LAPTM4B: variants seen among roughly 807,000 people sequenced by gnomAD.
LAPTM4B encodes the protein lysosomal protein transmembrane 4 beta, also known as lysosomal-associated transmembrane protein 4B.
A neutral mutation model predicts 28.5 loss-of-function variants in LAPTM4B; 26 were observed. That is an observed-to-expected ratio of 0.91 (90% confidence interval 0.67 to 1.27). The LOEUF (loss-of-function observed/expected upper bound fraction) is 1.27, where lower values mean the gene tolerates loss of function less well. LAPTM4B is among the 50% of genes most tolerant of loss of function. The pLI is 0.00. For synonymous variants in LAPTM4B, 109 were observed against 106.4 expected (o/e 1.02, Z -0.15); for missense variants, 288 against 285.8 (o/e 1.01, Z -0.06).
At chr8:97,795,267 ATAT>A (rs1178296968) in intron 1 of LAPTM4B, among the ~76,000 whole-genome samples, 4 of 151,868 alleles carry the variant, frequency 2.6e-5, no homozygotes, top group Admixed American at 1.3e-4. Context: ...ACCTGGCTAA[ATAT>A]TATTATTATT....
rs546425169 is a variant in LAPTM4B at position 97,800,484 on chromosome 8, C to CTTTTTTTTTTTTTTTTTTTT, written c.100-4861_100-4842dup. On this transcript the variant is annotated intron_variant, in intron 1 of 6. Transcript: ENST00000521545. Reference sequence around the variant, plus strand: ...CTTCTGTAATATTACCCCTTGACCTCTTTTTTTTTTTTTTTTTTTTTTTTT... The same window carrying CTTTTTTTTTTTTTTTTTTTT: ...CTTCTGTAATATTACCCCTTGACCTCTTTTTTTTTTTTTTTTTTTTTTTTTTTTTTTTTTTTTTTTTTTTT... 2.0e-4 allele frequency among the ~76,000 whole-genome samples: 14 copies of CTTTTTTTTTTTTTTTTTTTT among 69,326 alleles called. 1 individual carries two copies. The highest frequency in any genetic ancestry group is 1.0e-3 in the African/African-American group (14 of 13,392). 45.5% of individuals were successfully genotyped at this position (69,326 alleles called of 152,430 possible).
chr8:97,783,587 C>T (rs528842753), intron 1 of LAPTM4B, among the ~76,000 whole-genome samples: 1 of 152,142 alleles, frequency 6.6e-6, no homozygotes, highest in Admixed American at 6.5e-5. Flanking sequence ...CATGTTCAGA[C>T]CTTGGAAAGA....
At chr8:97,791,481 C>T (rs1411866841) in intron 1 of LAPTM4B, among the ~76,000 whole-genome samples, 1 of 152,108 alleles carries the variant, frequency 6.6e-6, no homozygotes, top group Non-Finnish European at 1.5e-5. Flanking sequence ...GTGTCTTAGC[C>T]TGAGAATGAA....
intron 1 of LAPTM4B, among the ~76,000 whole-genome samples, chr8:97,798,225 C>T (rs925135830): frequency 6.6e-6 from 1 of 152,158 alleles, no homozygotes; most frequent in African/African-American, 2.4e-5. Flanking sequence ...TTGACCTTTT[C>T]TATCTGTCTG....
chr8:97,787,584 G>A (rs539526076), intron 1 of LAPTM4B, among the ~76,000 whole-genome samples: 66 of 152,180 alleles, frequency 4.3e-4, no homozygotes, highest in Middle Eastern at 3.4e-3. Context: ...GTGCTTGGCC[G>A]ATTTCTTTTA....
At chr8:97,839,557 AGTT>A (rs1817314141) in intron 6 of LAPTM4B, among the ~76,000 whole-genome samples, 1 of 152,180 alleles carries the variant, frequency 6.6e-6, no homozygotes, top group South Asian at 2.1e-4. Flanking sequence ...ATAACTTTCC[AGTT>A]GTTTCATCCC....
intron 1 of LAPTM4B, among the ~76,000 whole-genome samples, chr8:97,792,906 A>C (rs1816526498): frequency 6.6e-6 from 1 of 152,154 alleles, no homozygotes; most frequent in East Asian, 1.9e-4. Flanking sequence ...TTAATCTGAT[A>C]CCCTAAAATT....
chr8:97,788,788 G>C (rs1047343617), intron 1 of LAPTM4B, among the ~76,000 whole-genome samples: 4 of 149,730 alleles, frequency 2.7e-5, no homozygotes, highest in Non-Finnish European at 3.0e-5. Context: ...TCCACCTCCC[G>C]GGTTCAAGCG....
chr8:97,825,060 T>G lies in LAPTM4B; in HGVS notation c.510T>G (p.Gly170=). The part of the protein sequence containing the change: ...LFISIILTFK[G]YLISCVWNCY... ...TGATAATCACTCCTCATTTTCAGGG[T>G]TACTTGATTAGCTGTGTTTGGAACT... The change falls in exon 6 of 7, where the codon GGT becomes GGG. Residue 170 remains glycine (G), a splice_region_variant and synonymous_variant. Transcript: ENST00000521545. The G allele has an allele frequency of 6.3e-7, 1 of 1,587,418 alleles. No individual in the cohort carries two copies. Among genetic ancestry groups the G allele is most frequent in the South Asian group, 1.1e-5 (1 of 90,174 alleles).
chr8:97,777,619 A>G (rs575566865), intron 1 of LAPTM4B, among the ~76,000 whole-genome samples: 1 of 152,346 alleles, frequency 6.6e-6, no homozygotes, highest in East Asian at 1.9e-4. Context: ...TGCTATTTAT[A>G]GTTTCAAGTT....
At chr8:97,823,698 GT>G (rs752570648) in intron 5 of LAPTM4B, among the ~76,000 whole-genome samples, 17,092 of 96,368 alleles carry the variant, frequency 0.18, 2,426 homozygotes, top group African/African-American at 0.47. Flanking sequence ...TATTTATTTA[GT>G]TTTTTTTTTT....
chr8:97,799,838 C>T (rs1816644076), intron 1 of LAPTM4B, among the ~76,000 whole-genome samples: 1 of 152,174 alleles, frequency 6.6e-6, no homozygotes, highest in African/African-American at 2.4e-5. Flanking sequence ...TTTATACCCC[C>T]TGACCCTGGC....
intron 1 of LAPTM4B, among the ~76,000 whole-genome samples, chr8:97,793,752 TATCTC>T (rs751817036): frequency 2.0e-4 from 30 of 152,320 alleles, no homozygotes; most frequent in Admixed American, 1.9e-3. Context: ...GTGGCAAACT[TATCTC>T]AGGATAAACA....
chr8:97,826,618 C>T (rs1337546989), intron 6 of LAPTM4B, among the ~76,000 whole-genome samples: 2 of 152,156 alleles, frequency 1.3e-5, no homozygotes, highest in East Asian at 3.9e-4. Context: ...AAGTGATTCT[C>T]CTGCCTCAGC....
chr8:97,808,463 T>TAAAA (rs79285756), intron 2 of LAPTM4B, among the ~76,000 whole-genome samples: 69,039 of 151,134 alleles, frequency 0.46, 16,076 homozygotes, highest in East Asian at 0.57. Flanking sequence ...TAAAATAAAA[T>TAAAA]TAAATAATCC....
Position 97,815,085 on chromosome 8 carries a change from ATATATC to A in LAPTM4B, c.212-238_212-233del, listed in dbSNP as rs1397568980. ...TTTACAAAATAGAAGTTAGACACCT[ATATATC>A]TATAAAGTAATACCTAATTCATTAT... is the stretch of plus-strand genomic sequence containing the variant. On this transcript the variant is annotated intron_variant, in intron 2 of 6. Transcript: ENST00000521545. 4.3e-4 allele frequency among the ~76,000 whole-genome samples: 65 copies of A among 152,306 alleles called. 2 individuals carry two copies. Among genetic ancestry groups the A allele is most frequent in the Admixed American group, 4.3e-3 (65 of 15,292 alleles).
Position 97,794,744 on chromosome 8 carries a change from C to T in LAPTM4B, c.100-10609C>T, listed in dbSNP as rs537194094. On this transcript the variant is annotated intron_variant, in intron 1 of 6. Coordinates refer to ENST00000521545, the MANE Select transcript of LAPTM4B (RefSeq NM_018407.6). ...ATTTATTTATTTTGAGATGGAGTCT[C>T]GCTCTGTCACCCACGCTGGAGTGCA... Among the ~76,000 whole-genome samples the T allele has an allele frequency of 9.9e-5, 15 of 152,236 alleles. No individual in the cohort carries two copies. The South Asian group carries it at 1.0e-3, about 11-fold the overall frequency.
chr8:97,815,015 C>T (rs758530053), intron 2 of LAPTM4B, among the ~76,000 whole-genome samples: 5 of 152,044 alleles, frequency 3.3e-5, no homozygotes, highest in South Asian at 2.1e-4. Context: ...TAAATAAGAT[C>T]GGAAGCTATG....
At chr8:97,797,485 A>G (rs1816609242) in intron 1 of LAPTM4B, among the ~76,000 whole-genome samples, 1 of 151,754 alleles carries the variant, frequency 6.6e-6, no homozygotes, top group African/African-American at 2.4e-5. Context: ...TTCTGTGAAC[A>G]TTTTCTTGTC....
Sources: gnomAD v4.1 joint callset for allele counts (sites outside exome capture counted in the v4.1 genomes callset) on GRCh38, gnomAD v4.1.1 for gene constraint, MANE v1.5 for transcripts, NCBI Gene and HGNC (gene_info 2026-07-23, HGNC 2026-07-21) for gene names.